CCDC50: variants seen among roughly 807,000 people sequenced by gnomAD.
CCDC50 encodes coiled-coil domain-containing protein 50.
A neutral mutation model predicts 70.2 loss-of-function variants in CCDC50; 54 were observed. The observed-to-expected ratio is 0.77, with a 90% CI of 0.62 to 0.96. The LOEUF (loss-of-function observed/expected upper bound fraction) is 0.96. Ranked by LOEUF, CCDC50 falls within the 50% of genes least tolerant of loss-of-function variation. The pLI is 0.00. For missense variants in CCDC50, 558 were observed against 578.7 expected, an observed-to-expected ratio of 0.96 and a Z score of 0.37; for synonymous variants, 216 against 198.8, an observed-to-expected ratio of 1.09 and a Z score of -0.73.
At position 191,391,709 on chromosome 3, in the gene CCDC50, A is replaced by C. The variant is rs769474906; in HGVS notation, c.1430-32A>C. The stretch of plus-strand genomic sequence containing the variant: ...GTTTGAGTTTCAAAGGTTTTTCCTT[A>C]ATTGTGTTTCCTTTTTTCTTCCCCT... On this transcript the variant is annotated intron_variant, in intron 11 of 11. Coordinates refer to ENST00000392455, the MANE Select transcript of CCDC50 (RefSeq NM_178335.3). The C allele has an allele frequency of 5.6e-6, 9 of 1,607,552 alleles. No individual in the cohort carries two copies. The East Asian group carries it at 2.0e-4, about 36-fold the overall frequency.
At chr3:191,364,125 G>A (rs1057104848) in intron 4 of CCDC50, among the ~76,000 whole-genome samples, 1 of 150,658 alleles carries the variant, frequency 6.6e-6, no homozygotes, top group Non-Finnish European at 1.5e-5. Context: ...CTGGAGTATA[G>A]TGGCGCAATC....
chr3:191,348,498 T>G (rs763760981), intron 1 of CCDC50, among the ~76,000 whole-genome samples: 1 of 142,478 alleles, frequency 7.0e-6, no homozygotes, highest in Non-Finnish European at 1.6e-5. Flanking sequence ...GTGTCGACTT[T>G]GTGGACAGTC....
chr3:191,341,260 C>T (rs1426440207), intron 1 of CCDC50, among the ~76,000 whole-genome samples: 1 of 152,098 alleles, frequency 6.6e-6, no homozygotes, highest in African/African-American at 2.4e-5. Context: ...TTAATGAGGC[C>T]AATAATAGGC....
rs117525630 is a variant in CCDC50 at position 191,368,908 on chromosome 3, A to G, written c.331-1011A>G. 7.2e-5 allele frequency among the ~76,000 whole-genome samples: 11 copies of G among 152,274 alleles called. No homozygotes were observed. The East Asian group carries it at 1.7e-3, about 24-fold the overall frequency. On this transcript the variant is annotated intron_variant, in intron 4 of 11. Coordinates refer to ENST00000392455, the MANE Select transcript of CCDC50 (RefSeq NM_178335.3). ...GGGCTTTCATAGAAGTAATCTTCAG[A>G]TTCAGAACATTGTCACTCTGCAGCT...
Position 191,358,080 on chromosome 3 carries a change from A to G in CCDC50, c.195A>G (p.Glu65=). The G allele has an allele frequency of 6.2e-7, 1 of 1,614,000 alleles. No homozygotes were observed. The highest frequency in any genetic ancestry group is 8.5e-7 in the Non-Finnish European group (1 of 1,179,920). Residue 65 remains glutamate (E), a synonymous_variant, in exon 3 of 12, where the codon GAA becomes GAG. Coordinates refer to ENST00000392455, the MANE Select transcript of CCDC50 (RefSeq NM_178335.3). ...AGGTGGCTAAGCAGCTCCAAGAGGA[A>G]GATCTGAAAGCGCAGGCCCAGCTCC... is the stretch of plus-strand genomic sequence containing the variant. ...DLQVAKQLQE[E]DLKAQAQLQK...
At chr3:191,329,747 C>G in intron 1 of CCDC50, 24 bp downstream of exon 1, 5 of 1,602,148 alleles carry the variant, frequency 3.1e-6, no homozygotes, top group Non-Finnish European at 4.3e-6. Flanking sequence ...AGGGAGAGCG[C>G]GCGGGACCCT....
At position 191,370,149 on chromosome 3, in the gene CCDC50, A is replaced by C. The variant is rs182885969; in HGVS notation, c.448+113A>C. The C allele has an allele frequency of 2.6e-3, 1,966 of 759,458 alleles. 18 individuals are homozygous for C. Among genetic ancestry groups the C allele is most frequent in the South Asian group, 0.011 (796 of 73,448 alleles). The allele number at this position is 759,458 out of a possible 1,614,324, so 47.0% of individuals were successfully genotyped here. ...ACCTGGGACTGTTTCTCTTATCCCCAGGCACTGGGTACATTTAGATGTGTG... is the reference window on the plus strand; with the variant it reads ...ACCTGGGACTGTTTCTCTTATCCCCCGGCACTGGGTACATTTAGATGTGTG... On this transcript the variant is annotated intron_variant, in intron 5 of 11. Coordinates refer to ENST00000392455, the MANE Select transcript of CCDC50 (RefSeq NM_178335.3).
intron 3 of CCDC50, among the ~76,000 whole-genome samples, chr3:191,360,492 CAG>C (rs1712448714): frequency 6.6e-6 from 1 of 152,134 alleles, no homozygotes; most frequent in Non-Finnish European, 1.5e-5. Flanking sequence ...TGAATGAAGA[CAG>C]AGGCTTTTGA....
chr3:191,368,266 TATACTTATGTTAAGTA>T (rs1712770380), intron 4 of CCDC50, among the ~76,000 whole-genome samples: 1 of 151,826 alleles, frequency 6.6e-6, no homozygotes, highest in Non-Finnish European at 1.5e-5. Flanking sequence ...TCATGAAAAG[TATACTTATGTTAAGTA>T]GGATTATGAT....
intron 6 of CCDC50, among the ~76,000 whole-genome samples, chr3:191,378,976 G>A (rs167148): frequency 0.58 from 87,764 of 151,834 alleles, 27,035 homozygotes; most frequent in African/African-American, 0.81. Context: ...GTACAAAGGT[G>A]GGCTTCACAA....
intron 4 of CCDC50, among the ~76,000 whole-genome samples, chr3:191,365,587 C>A (rs893466498): frequency 1.3e-5 from 2 of 152,168 alleles, no homozygotes; most frequent in African/African-American, 4.8e-5. Flanking sequence ...TGGATTTATA[C>A]CTGCCTTGAC....
At chr3:191,337,168 G>GAA (rs60939957) in intron 1 of CCDC50, among the ~76,000 whole-genome samples, 1 of 141,118 alleles carries the variant, frequency 7.1e-6, no homozygotes. Flanking sequence ...ATACTAGACA[G>GAA]AAAAAAAAAA....
intron 11 of CCDC50, 81 bp downstream of exon 11, chr3:191,389,683 G>T (rs1713616023): frequency 1.9e-6 from 2 of 1,045,258 alleles, no homozygotes; most frequent in South Asian, 2.5e-5. Context: ...ATCAAATTCT[G>T]TGTTCCACTA....
At position 191,393,874 on chromosome 3, in the gene CCDC50, A is replaced by G. The variant is rs936713666; in HGVS notation, c.*2114A>G. On this transcript the variant is annotated 3_prime_UTR_variant, in exon 12 of 12. Coordinates refer to ENST00000392455, the MANE Select transcript of CCDC50 (RefSeq NM_178335.3). ...AGTTTTTTTATTGTAATTTTAAAGGAAAAAAACAATGTATTTTTATTTGAT... is the reference window on the plus strand; with the variant it reads ...AGTTTTTTTATTGTAATTTTAAAGGGAAAAAACAATGTATTTTTATTTGAT... The G allele has an allele frequency of 1.3e-5, 2 of 152,266 alleles. No homozygotes were observed. Among genetic ancestry groups the G allele is most frequent in the South Asian group, 2.1e-4 (1 of 4,830 alleles). The allele number at this position is 152,266 out of a possible 1,614,324, so 9.4% of individuals were successfully genotyped here. A position where few individuals can be genotyped will look rare whatever the true frequency, so the allele number is the denominator to read the frequency against.
chr3:191,357,146 A>G lies in CCDC50; in HGVS notation c.108A>G (p.Gln36=). The change falls in exon 2 of 12, where the codon CAA becomes CAG. Residue 36 remains glutamine, a synonymous_variant. Transcript: ENST00000392455. ...CCCTGGCTCACAGCCTGCAGGAACA[A>G]GAGAGTGAGTAATACCTCTCATTTA... The part of the protein sequence containing the change: ...DHTLAHSLQE[Q]EIEHHLASNV... The G allele has an allele frequency of 6.2e-7, 1 of 1,613,254 alleles. No homozygotes were observed. Among genetic ancestry groups the G allele is most frequent in the Non-Finnish European group, 8.5e-7 (1 of 1,179,322 alleles).
intron 1 of CCDC50, among the ~76,000 whole-genome samples, chr3:191,343,130 C>T (rs923534037): frequency 4.6e-5 from 7 of 152,076 alleles, no homozygotes; most frequent in African/African-American, 1.4e-4. Context: ...TCCGCAGGGC[C>T]AACTGCAAGA....
At chr3:191,367,019 G>T (rs1296470982) in intron 4 of CCDC50, among the ~76,000 whole-genome samples, 2 of 152,068 alleles carry the variant, frequency 1.3e-5, no homozygotes, top group Non-Finnish European at 2.9e-5. Context: ...GAGGAGAACG[G>T]ACTTGTGCTA....
chr3:191,358,484 G>A (rs917696041), intron 3 of CCDC50, among the ~76,000 whole-genome samples: 4 of 152,136 alleles, frequency 2.6e-5, no homozygotes, highest in Non-Finnish European at 5.9e-5. Context: ...GTGAAATAGT[G>A]GACATCAAAT....
chr3:191,361,237 C>A, intron 4 of CCDC50, 78 bp downstream of exon 4: 1 of 996,934 alleles, frequency 1.0e-6, no homozygotes, highest in Non-Finnish European at 1.6e-6. Context: ...CTGTAGGTCA[C>A]GGGCTCAATG....
Sources: gnomAD v4.1 joint callset for allele counts (sites outside exome capture counted in the v4.1 genomes callset) on GRCh38, gnomAD v4.1.1 for gene constraint, MANE v1.5 for transcripts, NCBI Gene and HGNC (gene_info 2026-07-23, HGNC 2026-07-21) for gene names.